Variants in IDNK observed in about 807,000 individuals in gnomAD.
IDNK encodes the protein IDNK gluconokinase.
Under a neutral mutation model 13.0 loss-of-function variants are expected in IDNK, and 9 were observed. The ratio of observed to expected loss-of-function variants is 0.69; its 90% CI spans 0.42 to 1.21. The LOEUF (loss-of-function observed/expected upper bound fraction) is 1.21, where lower values mean the gene tolerates loss of function less well. Ranked by LOEUF, IDNK falls within the 50% of genes most tolerant of loss-of-function variation. The probability of loss-of-function intolerance (pLI) is 0.00; values close to 1 mark genes in which losing one functional copy is unlikely to be tolerated. For synonymous variants in IDNK, 92 were observed against 94.9 expected (o/e 0.97, Z 0.18); for missense variants, 210 against 237.8 (o/e 0.88, Z 0.77).
At chr9:83,627,513 T>C (rs1346138841) in intron 1 of IDNK, among the ~76,000 whole-genome samples, 1 of 152,138 alleles carries the variant, frequency 6.6e-6, no homozygotes, top group Non-Finnish European at 1.5e-5. Context: ...CACTCAGTCA[T>C]TTAGTGGCAG....
At chr9:83,623,107 C>G, upstream of IDNK, 1 of 1,339,494 alleles carries the variant, frequency 7.5e-7, no homozygotes, top group Middle Eastern at 2.6e-4. Flanking sequence ...CTCCGCCCCT[C>G]GAGCGCCGGG....
chr9:83,636,277 A>G (rs1376798835), intron 3 of IDNK, among the ~76,000 whole-genome samples: 1 of 152,226 alleles, frequency 6.6e-6, no homozygotes, highest in Non-Finnish European at 1.5e-5. Context: ...ATCAGCACTT[A>G]TAAATGGATA....
At chr9:83,623,292 C>G (rs1830752296) in intron 1 of IDNK, 71 bp downstream of exon 1, 2 of 1,295,914 alleles carry the variant, frequency 1.5e-6, no homozygotes, top group African/African-American at 3.2e-5. Flanking sequence ...GACGCGTCGC[C>G]GTCCCTGCCG....
At chr9:83,629,028 T>G in intron 3 of IDNK, 69 bp downstream of exon 3, 18 of 1,216,688 alleles carry the variant, frequency 1.5e-5, no homozygotes, top group Non-Finnish European at 2.1e-5. Flanking sequence ...GCTACAGCAC[T>G]TGCTGTAGTA....
chr9:83,628,799 G>A (rs1830931609), intron 2 of IDNK, 74 bp from the exon 3 acceptor site: 5 of 1,056,396 alleles, frequency 4.7e-6, no homozygotes, highest in Non-Finnish European at 7.4e-6. Context: ...ACACCTGCCT[G>A]TTAGTAATCC....
intron 3 of IDNK, among the ~76,000 whole-genome samples, chr9:83,632,533 C>T (rs1189654324): frequency 8.8e-6 from 1 of 113,866 alleles, no homozygotes; most frequent in Non-Finnish European, 1.7e-5. Flanking sequence ...ATAAAATACA[C>T]TAACATTAAC....
intron 3 of IDNK, among the ~76,000 whole-genome samples, chr9:83,635,567 T>C (rs1831141706): frequency 6.6e-6 from 1 of 152,268 alleles, no homozygotes; most frequent in Non-Finnish European, 1.5e-5. Flanking sequence ...CCTCTAGGTA[T>C]GTGAAAATAT....
chr9:83,625,298 A>T (rs1830819234), intron 1 of IDNK, among the ~76,000 whole-genome samples: 1 of 152,210 alleles, frequency 6.6e-6, no homozygotes, highest in South Asian at 2.1e-4. Context: ...GATTTGGAAG[A>T]CAACCTCAGA....
intron 1 of IDNK, among the ~76,000 whole-genome samples, chr9:83,624,491 A>AT (rs1441654499): frequency 6.6e-6 from 1 of 152,200 alleles, no homozygotes; most frequent in Non-Finnish European, 1.5e-5. Context: ...GACAGAGTAA[A>AT]TGAATATATG....
At chr9:83,631,184 A>G (rs945597801) in intron 3 of IDNK, among the ~76,000 whole-genome samples, 1 of 151,696 alleles carries the variant, frequency 6.6e-6, no homozygotes, top group African/African-American at 2.4e-5. Flanking sequence ...TGAATGGATT[A>G]AAGCGTGTCC....
At chr9:83,628,037 G>T in intron 1 of IDNK, 144 bp from the exon 2 acceptor site, 1 of 1,469,322 alleles carries the variant, frequency 6.8e-7, no homozygotes, top group Non-Finnish European at 9.0e-7. Context: ...CCACGGTCAC[G>T]GGCATCACTG....
At chr9:83,626,507 C>T (rs1217039794) in intron 1 of IDNK, 1 of 404,230 alleles carries the variant, frequency 2.5e-6, no homozygotes, top group African/African-American at 2.1e-5. Context: ...ACCTCTGCCT[C>T]CTGAGTTCAA....
chr9:83,635,389 G>A (rs1831135895), intron 3 of IDNK, among the ~76,000 whole-genome samples: 1 of 152,216 alleles, frequency 6.6e-6, no homozygotes, highest in African/African-American at 2.4e-5. Context: ...CAAAGAATCT[G>A]GTGGCGCGAG....
At chr9:83,640,255 G>A (rs1313970910) in intron 3 of IDNK, among the ~76,000 whole-genome samples, 1 of 152,112 alleles carries the variant, frequency 6.6e-6, no homozygotes, top group Non-Finnish European at 1.5e-5. Flanking sequence ...TTATATACAA[G>A]CTGTTTGAAA....
chr9:83,628,976 G>C lies in IDNK; in HGVS notation c.168+17G>C. 6.3e-7 allele frequency: 1 copy of C among 1,599,272 alleles called. No individual in the cohort carries two copies. The highest frequency in any genetic ancestry group is 8.6e-7 in the Non-Finnish European group (1 of 1,166,562). On this transcript the variant is annotated intron_variant, in intron 3 of 4. Coordinates refer to ENST00000376419, the MANE Select transcript of IDNK (RefSeq NM_001001551.4). ...AATGACCAGGTAACAATTGCTGTCT[G>C]TGTCCATCACACATATTCCACCTGG...
At chr9:83,634,533 T>G (rs1564148260) in intron 3 of IDNK, among the ~76,000 whole-genome samples, 1 of 152,374 alleles carries the variant, frequency 6.6e-6, no homozygotes, top group East Asian at 1.9e-4. Flanking sequence ...ATATGTTTTC[T>G]GTAATTTTTG....
intron 2 of IDNK, 34 bp from the exon 3 acceptor site, chr9:83,628,839 C>T: frequency 3.4e-6 from 5 of 1,489,308 alleles, no homozygotes; most frequent in Non-Finnish European, 4.7e-6. Flanking sequence ...GCCCATCTGC[C>T]TGCCACATAC....
intron 3 of IDNK, among the ~76,000 whole-genome samples, chr9:83,636,464 T>C (rs904024689): frequency 6.6e-6 from 1 of 152,192 alleles, no homozygotes; most frequent in Non-Finnish European, 1.5e-5. Context: ...TGAATTGCAA[T>C]GGTAGTTTCA....
At chr9:83,633,269 G>A (rs960440375) in intron 3 of IDNK, among the ~76,000 whole-genome samples, 1 of 152,154 alleles carries the variant, frequency 6.6e-6, no homozygotes, top group African/African-American at 2.4e-5. Context: ...AACCCAGGAG[G>A]TGGAGCTTGC....
Sources: allele counts gnomAD v4.1 joint callset (sites outside exome capture counted in the v4.1 genomes callset), GRCh38; gene constraint gnomAD v4.1.1; transcripts MANE v1.5; gene names NCBI Gene and HGNC (gene_info 2026-07-23, HGNC 2026-07-21).